The following ITPR2 variants were observed in gnomAD, a reference collection of about 807,000 sequenced individuals.
ITPR2 encodes the protein inositol 1,4,5-trisphosphate-gated calcium channel ITPR2.
A neutral mutation model predicts 317.1 loss-of-function variants in ITPR2; 207 were observed. That is an observed-to-expected ratio of 0.65 (90% CI 0.58 to 0.73). The LOEUF (loss-of-function observed/expected upper bound fraction) is 0.73. Ranked by LOEUF, ITPR2 falls within the 30% of genes least tolerant of loss-of-function variation. ITPR2 has a pLI of 0.00. For synonymous variants in ITPR2, 1,156 were observed against 1,149.1 expected (o/e 1.01, Z -0.12); for missense variants, 2,613 against 3,284.0 (o/e 0.80, Z 4.99).
intron 55 of ITPR2, among the ~76,000 whole-genome samples, chr12:26,378,732 A>G (rs1939418089): frequency 6.6e-6 from 1 of 152,200 alleles, no homozygotes; most frequent in Non-Finnish European, 1.5e-5. Flanking sequence ...TACTCGTCAA[A>G]TTAAATTGAA....
At chr12:26,768,457 A>T (rs1949770815) in intron 2 of ITPR2, among the ~76,000 whole-genome samples, 1 of 62,866 alleles carries the variant, frequency 1.6e-5, no homozygotes, top group South Asian at 3.6e-4. Context: ...AATAAAAAAT[A>T]AAAAAATAAA....
chr12:26,430,015 C>A (rs1941162956), intron 48 of ITPR2, among the ~76,000 whole-genome samples: 2 of 152,174 alleles, frequency 1.3e-5, no homozygotes. Flanking sequence ...TCCCCTTGAT[C>A]AAACAGAAAT....
At chr12:26,398,193 C>T (rs756198579) in intron 54 of ITPR2, among the ~76,000 whole-genome samples, 3 of 151,852 alleles carry the variant, frequency 2.0e-5, no homozygotes, top group African/African-American at 4.8e-5. Context: ...GAGGCCAAGG[C>T]GGGTGGATCA....
Position 26,366,112 on chromosome 12 carries a change from A to C in ITPR2, c.7857+21322T>G, listed in dbSNP as rs555892646. ...ACATCGGTTGGTCTTTTCATGAAAC[A>C]GTGTAGCCTGCTTTCCTTGTTCTCT... On this transcript the variant is annotated intron_variant, in intron 55 of 56. Transcript: ENST00000381340. Among the ~76,000 whole-genome samples, 3 of 152,222 alleles carry C rather than the reference A, an allele frequency of 2.0e-5. No homozygotes were observed. In the East Asian group the frequency reaches 5.8e-4, roughly 29 times the overall value.
At chr12:26,693,780 T>C (rs1427849670) in intron 10 of ITPR2, among the ~76,000 whole-genome samples, 1 of 152,218 alleles carries the variant, frequency 6.6e-6, no homozygotes, top group African/African-American at 2.4e-5. Context: ...AGAAAGGAGA[T>C]GCGCACAGAG....
intron 1 of ITPR2, among the ~76,000 whole-genome samples, chr12:26,824,197 A>G (rs898117376): frequency 6.6e-6 from 1 of 152,228 alleles, no homozygotes; most frequent in Admixed American, 6.5e-5. Context: ...AAAGTGTTGA[A>G]TATCTCATGT....
At position 26,663,748 on chromosome 12, in the gene ITPR2, C is replaced by T. The variant is rs780467067; in HGVS notation, c.1650G>A (p.Lys550=). The part of the protein sequence containing the change: ...DLGDQRYAPY[K]YMLRLCYRVL... ...CGCGGTAACAGAGCCGCAGCATGTA[C>T]TTGTAGGGTGCATATCTTTGATCCC... The change falls in exon 15 of 57, where the codon AAG becomes AAA. Residue 550 remains lysine (K), a synonymous_variant. Coordinates refer to ENST00000381340, the MANE Select transcript of ITPR2 (RefSeq NM_002223.4). 3.7e-6 allele frequency: 6 copies of T among 1,614,100 alleles called. No individual in the cohort carries two copies. The highest frequency in any genetic ancestry group is 5.1e-6 in the Non-Finnish European group (6 of 1,179,996).
rs777714991 is a variant in ITPR2, at chr12:26,656,336, C to T, written c.2405G>A (p.Arg802Lys). Reference protein sequence around the residue: ...QESVVPVRYARLWTEIPTKIT... With the variant: ...QESVVPVRYAKLWTEIPTKIT... The stretch of plus-strand genomic sequence containing the variant: ...CTTTGTGGGGATTTCTGTCCAGAGC[C>T]TGGCATAGCGAACAGGCACCACGGA... Residue 802 changes from arginine to lysine, a missense_variant, in exon 19 of 57, where the codon AGG becomes AAG. Arg to Lys is a conservative substitution (Grantham distance 26, BLOSUM62 2). Transcript: ENST00000381340. 1 of 1,614,174 alleles carries T rather than the reference C, an allele frequency of 6.2e-7. No individual in the cohort carries two copies.
In ITPR2 at chr12:26,686,479, A is replaced by T; in HGVS notation, c.1148+2T>A. 1 of 1,550,540 alleles carries T rather than the reference A, an allele frequency of 6.4e-7. No individual in the cohort carries two copies. Among genetic ancestry groups the T allele is most frequent in the African/African-American group, 1.4e-5 (1 of 72,248 alleles). Reference sequence around the variant, plus strand: ...ACATCTTTTAACCATAATTTTTTTTACCTTGGAACCAGGCAGTCAGCTCTC... The same window carrying T: ...ACATCTTTTAACCATAATTTTTTTTTCCTTGGAACCAGGCAGTCAGCTCTC... On this transcript the variant is annotated splice_donor_variant, in intron 11 of 56. Coordinates refer to ENST00000381340, the MANE Select transcript of ITPR2 (RefSeq NM_002223.4). LOFTEE classifies it high-confidence loss of function.
chr12:26,806,107 C>T (rs907079864), intron 1 of ITPR2, among the ~76,000 whole-genome samples: 2 of 152,124 alleles, frequency 1.3e-5, no homozygotes, highest in African/African-American at 4.8e-5. Context: ...TATCAATCTC[C>T]CAACTAGGGA....
intron 54 of ITPR2, among the ~76,000 whole-genome samples, chr12:26,396,008 A>T (rs1939987126): frequency 6.6e-6 from 1 of 152,238 alleles, no homozygotes; most frequent in South Asian, 2.1e-4. Flanking sequence ...TATTCAATAA[A>T]TAATCATTTA....
intron 45 of ITPR2, 60 bp downstream of exon 45, chr12:26,475,236 T>C (rs2136821094): frequency 6.3e-7 from 1 of 1,588,658 alleles, no homozygotes; most frequent in Non-Finnish European, 8.6e-7. Context: ...TGACAAGCCA[T>C]GGATACAAAA....
At chr12:26,358,761 GTC>G (rs1364590255) in intron 55 of ITPR2, among the ~76,000 whole-genome samples, 2 of 152,078 alleles carry the variant, frequency 1.3e-5, no homozygotes, top group Non-Finnish European at 2.9e-5. Context: ...AAGTGATCCA[GTC>G]TCTGTCCCCC....
chr12:26,785,291 A>G (rs1440427080), intron 2 of ITPR2, among the ~76,000 whole-genome samples: 85 of 23,420 alleles, frequency 3.6e-3, no homozygotes, highest in Admixed American at 8.7e-3. Context: ...GCCCCGTCCG[A>G]GAGGGAGGTG....
In ITPR2 at chr12:26,432,862, A is replaced by C. The variant is rs562873646; in HGVS notation, c.6769+3359T>G. Reference sequence around the variant, plus strand: ...TGACATGTCTCCATCATTTTTAAGCACTTCTTGAAGGAATTTTCATCCATC... The same window carrying C: ...TGACATGTCTCCATCATTTTTAAGCCCTTCTTGAAGGAATTTTCATCCATC... On this transcript the variant is annotated intron_variant, in intron 48 of 56. Coordinates refer to ENST00000381340, the MANE Select transcript of ITPR2 (RefSeq NM_002223.4). Among the ~76,000 whole-genome samples the C allele has an allele frequency of 7.9e-5, 12 of 152,178 alleles. No homozygotes were observed. In the South Asian group the frequency reaches 2.3e-3, roughly 29 times the overall value.
intron 55 of ITPR2, among the ~76,000 whole-genome samples, chr12:26,351,137 G>C (rs1406374815): frequency 6.6e-6 from 1 of 152,226 alleles, no homozygotes; most frequent in Non-Finnish European, 1.5e-5. Context: ...CACCTCTGAT[G>C]AGTGACTTGC....
intron 45 of ITPR2, among the ~76,000 whole-genome samples, chr12:26,472,101 GA>G (rs1352077252): frequency 6.6e-6 from 1 of 152,192 alleles, no homozygotes; most frequent in Non-Finnish European, 1.5e-5. Flanking sequence ...AATTTTTCAT[GA>G]AAAACTGGTG....
At chr12:26,701,206 A>G (rs1361080730) in intron 9 of ITPR2, among the ~76,000 whole-genome samples, 5 of 152,234 alleles carry the variant, frequency 3.3e-5, no homozygotes, top group African/African-American at 1.2e-4. Context: ...ACCGCAATCA[A>G]TTAAAAAACA....
intron 34 of ITPR2, among the ~76,000 whole-genome samples, chr12:26,575,745 T>C (rs1394846399): frequency 1.3e-5 from 2 of 152,206 alleles, no homozygotes; most frequent in African/African-American, 4.8e-5. Context: ...ACTAATATAG[T>C]TTCAGTAACT....
Sources: allele counts gnomAD v4.1 joint callset (sites outside exome capture counted in the v4.1 genomes callset), GRCh38; gene constraint gnomAD v4.1.1; transcripts MANE v1.5; gene names NCBI Gene and HGNC (gene_info 2026-07-23, HGNC 2026-07-21).